RRH: variants seen among roughly 807,000 people sequenced by gnomAD.
RRH encodes visual pigment-like receptor peropsin.
RRH carries 36 observed loss-of-function variants against 33.1 expected under a neutral mutation model. The observed-to-expected ratio is 1.09, with a 90% CI of 0.83 to 1.44. RRH has a LOEUF of 1.44. Among genes scored for constraint, RRH ranks in the 40% most tolerant of loss-of-function variants. The pLI is 0.00. For synonymous variants in RRH, 124 were observed against 140.2 expected, an observed-to-expected ratio of 0.88 and a Z score of 0.82; for missense variants, 393 against 420.2, an observed-to-expected ratio of 0.94 and a Z score of 0.57.
At position 109,836,891 on chromosome 4, in the gene RRH, C is replaced by CAAAAAAAAAAAAAAAAAA. The variant is rs56989659; in HGVS notation, c.552-543_552-526dup. Among the ~76,000 whole-genome samples, 240 of 84,386 alleles carry CAAAAAAAAAAAAAAAAAA rather than the reference C, an allele frequency of 2.8e-3. 14 individuals are homozygous for CAAAAAAAAAAAAAAAAAA. The highest frequency in any genetic ancestry group is 0.014 in the African/African-American group (228 of 16,804). The allele number at this position is 84,386 out of a possible 152,430, so 55.4% of individuals were successfully genotyped here. Reference sequence around the variant, plus strand: ...GCAACATATTGAGACCCTGTCTCTACAAAAAAAAAAAAAAAAAAAAGCAGA... The same window carrying CAAAAAAAAAAAAAAAAAA: ...GCAACATATTGAGACCCTGTCTCTACAAAAAAAAAAAAAAAAAAAAAAAAAAAAAAAAAAAAAAGCAGA... On this transcript the variant is annotated intron_variant, in intron 4 of 6. Transcript: ENST00000317735.
At chr4:109,831,522 G>C (rs1231408024) in intron 1 of RRH, among the ~76,000 whole-genome samples, 1 of 152,158 alleles carries the variant, frequency 6.6e-6, no homozygotes, top group East Asian at 1.9e-4. Flanking sequence ...TTAATCATAA[G>C]CAAGTAGTTT....
chr4:109,834,638 C>T (rs1032077613), intron 2 of RRH, among the ~76,000 whole-genome samples: 33 of 142,748 alleles, frequency 2.3e-4, no homozygotes, highest in African/African-American at 7.1e-4. Context: ...CCACTGCGCC[C>T]GGACCCCCAT....
At chr4:109,834,510 A>T (rs200106009) in intron 2 of RRH, among the ~76,000 whole-genome samples, 124 of 124,126 alleles carry the variant, frequency 1.0e-3, no homozygotes, top group Middle Eastern at 4.4e-3. Flanking sequence ...TTTTTTTTGT[A>T]TTTTTTTTTT....
chr4:109,837,551 T>G lies in RRH; in HGVS notation c.666T>G (p.Ser222Arg), dbSNP rs760080345. ...VTLSIKHHTT[S>R]DCTESLNRDW... ...TATCCATTAAACATCACACTACCAG[T>G]GACTGCACTGAGTCCCTCAACAGAG... The change falls in exon 5 of 7, where the codon AGT (serine) becomes AGG (arginine). Residue 222 changes from serine (S) to arginine (R), a missense_variant. Ser to Arg is a moderately radical substitution (Grantham distance 110). Transcript: ENST00000317735. The G allele has an allele frequency of 6.2e-7, 1 of 1,613,920 alleles. No homozygotes were observed. The highest frequency in any genetic ancestry group is 1.7e-5 in the Admixed American group (1 of 60,020).
At position 109,828,038 on chromosome 4, in the gene RRH, A is replaced by G. The variant is rs768525795; in HGVS notation, c.11A>G (p.Asn4Ser). 1.9e-6 allele frequency: 3 copies of G among 1,608,956 alleles called. No individual in the cohort carries two copies. The highest frequency in any genetic ancestry group is 4.5e-5 in the East Asian group (2 of 44,784). The change falls in exon 1 of 7, where the codon AAT (asparagine) becomes AGT (serine). Residue 4 changes from asparagine (N) to serine (S), a missense_variant. Asn to Ser is a conservative substitution (Grantham distance 46, BLOSUM62 1). Transcript: ENST00000317735. MLR[N>S]NLGNSSDSKN... ...TATCTTCCCTCCAAAATGCTAAGAA[A>G]TAATTTAGGCAACAGTTCAGACTCT... is the stretch of plus-strand genomic sequence containing the variant.
chr4:109,837,493 C>T lies in RRH; in HGVS notation c.608C>T (p.Thr203Ile). 6.2e-7 allele frequency: 1 copy of T among 1,613,820 alleles called. No individual in the cohort carries two copies. Residue 203 changes from threonine (T) to isoleucine (I), a missense_variant, in exon 5 of 7, where the codon ACA becomes ATA. Transcript: ENST00000317735. ...GCGATAAATTTTATTGTGCCCTTGA[C>T]AGTGATGTTTTACTGCTATTACCAT... ...VIAINFIVPL[T>I]VMFYCYYHVT...
chr4:109,833,284 C>T lies in RRH; in HGVS notation c.252C>T (p.Ala84=), dbSNP rs769053708. 2.5e-6 allele frequency: 4 copies of T among 1,614,024 alleles called. No homozygotes were observed. The highest frequency in any genetic ancestry group is 3.3e-5 in the Admixed American group (2 of 60,024). The change falls in exon 2 of 7, where the codon GCC becomes GCT. Residue 84 remains alanine (A), a synonymous_variant. Coordinates refer to ENST00000317735, the MANE Select transcript of RRH (RefSeq NM_006583.5). ...GCATTGGCTATCCCATGTCTGCTGC[C>T]TCAGATCTGTATGGAAGTTGGAAAT... The part of the protein sequence containing the change: ...VSSIGYPMSA[A]SDLYGSWKFG...
intron 6 of RRH, 73 bp downstream of exon 6, chr4:109,842,720 A>G: frequency 7.4e-7 from 1 of 1,352,856 alleles, no homozygotes; most frequent in Non-Finnish European, 1.1e-6. Context: ...TTCTTGGGAG[A>G]GAAGTGACAG....
In RRH at chr4:109,844,038, C is replaced by A. The variant is rs762026614; in HGVS notation, c.900-45C>A. On this transcript the variant is annotated intron_variant, in intron 6 of 6. Transcript: ENST00000317735. The stretch of plus-strand genomic sequence containing the variant: ...ATATTTGAAAATGCTTTAGAAGTTC[C>A]AAATCATTATGGGTTAATGCCAGAT... 4 of 1,269,484 alleles carry A rather than the reference C, an allele frequency of 3.2e-6. No homozygotes were observed. The South Asian group carries it at 4.8e-5, about 15-fold the overall frequency. 78.6% of individuals were successfully genotyped at this position (1,269,484 alleles called of 1,614,324 possible). A position where few individuals can be genotyped will look rare whatever the true frequency, so the allele number is the denominator to read the frequency against.
chr4:109,844,597 G>A lies in RRH; in HGVS notation c.*400G>A, dbSNP rs1206540600. 1 of 156,708 alleles carries A rather than the reference G, an allele frequency of 6.4e-6. No individual in the cohort carries two copies. Among genetic ancestry groups the A allele is most frequent in the East Asian group, 1.9e-4 (1 of 5,402 alleles). The allele number at this position is 156,708 out of a possible 1,614,324, so 9.7% of individuals were successfully genotyped here. ...TGAAATGAGTTGTTGGATGTTCCCA[G>A]TTAGAATAGAAAGCATTTTTTGAAT... On this transcript the variant is annotated 3_prime_UTR_variant, in exon 7 of 7. Transcript: ENST00000317735.
At position 109,844,362 on chromosome 4, in the gene RRH, T is replaced by C. The variant is rs1734042476; in HGVS notation, c.*165T>C. On this transcript the variant is annotated 3_prime_UTR_variant, in exon 7 of 7. Coordinates refer to ENST00000317735, the MANE Select transcript of RRH (RefSeq NM_006583.5). ...TTCTGTTTGTGCACTCTGGCTGCTG[T>C]AGTGTATGCTTCTCTGTGTCCTGAT... 1 of 556,666 alleles carries C rather than the reference T, an allele frequency of 1.8e-6. No individual in the cohort carries two copies. Among genetic ancestry groups the C allele is most frequent in the African/African-American group, 1.9e-5 (1 of 52,916 alleles). 34.5% of individuals were successfully genotyped at this position (556,666 alleles called of 1,614,324 possible).
rs370590600 is a variant in RRH, at chr4:109,828,059, A to C, written c.32A>C (p.Asp11Ala). The C allele has an allele frequency of 6.2e-7, 1 of 1,612,284 alleles. No individual in the cohort carries two copies. The highest frequency in any genetic ancestry group is 1.7e-5 in the Admixed American group (1 of 59,982). MLRNNLGNSS[D>A]SKNEDGSVFS... ...AGAAATAATTTAGGCAACAGTTCAG[A>C]CTCTAAAAATGAAGATGGCTCGGTC... The change falls in exon 1 of 7, where the codon GAC becomes GCC. Residue 11 changes from aspartate (D) to alanine (A), a missense_variant. Transcript: ENST00000317735.
At position 109,844,242 on chromosome 4, in the gene RRH, C is replaced by T; in HGVS notation, c.*45C>T. 1 of 1,220,972 alleles carries T rather than the reference C, an allele frequency of 8.2e-7. No homozygotes were observed. The highest frequency in any genetic ancestry group is 1.2e-5 in the South Asian group (1 of 82,880). The allele number at this position is 1,220,972 out of a possible 1,614,324, so 75.6% of individuals were successfully genotyped here. On this transcript the variant is annotated 3_prime_UTR_variant, in exon 7 of 7. Coordinates refer to ENST00000317735, the MANE Select transcript of RRH (RefSeq NM_006583.5). ...CTATCAAAACACTTTAGTTTTTTGA[C>T]AATGCTTTTCTTTTAAATATGAGCC...
chr4:109,834,597 C>T (rs961963401), intron 2 of RRH, among the ~76,000 whole-genome samples: 3 of 151,478 alleles, frequency 2.0e-5, no homozygotes, highest in African/African-American at 7.3e-5. Context: ...CCCACCTCGG[C>T]CTCCCAAAGT....
chr4:109,831,867 C>T (rs934102080), intron 1 of RRH, among the ~76,000 whole-genome samples: 1 of 152,048 alleles, frequency 6.6e-6, no homozygotes, highest in Non-Finnish European at 1.5e-5. Context: ...TTATAGCAAG[C>T]TGATTCTGCC....
intron 2 of RRH, among the ~76,000 whole-genome samples, chr4:109,834,100 T>A (rs1347707736): frequency 6.6e-6 from 1 of 152,202 alleles, no homozygotes; most frequent in Non-Finnish European, 1.5e-5. Context: ...CCAGATACTG[T>A]CTGAATACTT....
At chr4:109,835,785 G>C (rs1450704996) in intron 3 of RRH, among the ~76,000 whole-genome samples, 1 of 142,960 alleles carries the variant, frequency 7.0e-6, no homozygotes, top group Non-Finnish European at 1.5e-5. Flanking sequence ...CAGCTTAAAT[G>C]TCTTTTTTTT....
intron 5 of RRH, among the ~76,000 whole-genome samples, chr4:109,838,025 C>G (rs975498621): frequency 1.3e-5 from 2 of 152,210 alleles, no homozygotes; most frequent in Admixed American, 1.3e-4. Flanking sequence ...GGCGATCCAC[C>G]TGCCTTGGCC....
At chr4:109,832,202 C>T (rs1403769520) in intron 1 of RRH, among the ~76,000 whole-genome samples, 1 of 144,674 alleles carries the variant, frequency 6.9e-6, no homozygotes, top group Admixed American at 7.0e-5. Flanking sequence ...ATGCCCATAT[C>T]TGGCTTATGC....
Sources: allele counts gnomAD v4.1 joint callset (sites outside exome capture counted in the v4.1 genomes callset), GRCh38; gene constraint gnomAD v4.1.1; transcripts MANE v1.5; gene names NCBI Gene and HGNC (gene_info 2026-07-23, HGNC 2026-07-21).